The following DNAL1 variants were observed in gnomAD, a reference collection of about 807,000 sequenced individuals.
DNAL1 encodes dynein axonemal light chain 1, also known as chromosome 14 open reading frame 168.
In DNAL1, 17 loss-of-function variants were observed where a neutral mutation model predicts 29.4. That is an observed-to-expected ratio of 0.58 (90% CI 0.40 to 0.87). The LOEUF (loss-of-function observed/expected upper bound fraction) is 0.87, where lower values mean the gene tolerates loss of function less well. Among genes scored for constraint, DNAL1 ranks in the 40% least tolerant of loss-of-function variants. The pLI, the probability that DNAL1 is intolerant of heterozygous loss-of-function variation, is 0.00. For missense variants in DNAL1, 188 were observed against 214.1 expected, an observed-to-expected ratio of 0.88 and a Z score of 0.76; for synonymous variants, 78 against 76.3, an observed-to-expected ratio of 1.02 and a Z score of -0.12.
At chr14:73,656,330 G>C (rs1374275919) in intron 2 of DNAL1, among the ~76,000 whole-genome samples, 1 of 151,420 alleles carries the variant, frequency 6.6e-6, no homozygotes, top group African/African-American at 2.4e-5. Context: ...CATTTTCCTT[G>C]AATTGGATTT....
In DNAL1 at chr14:73,698,992, C is replaced by T. The variant is rs1221095316; in HGVS notation, c.*3050C>T. On this transcript the variant is annotated 3_prime_UTR_variant, in exon 8 of 8. Coordinates refer to ENST00000553645, the MANE Select transcript of DNAL1 (RefSeq NM_031427.4). ...TATTAACATTTTGGGATTGATAATT[C>T]ATTGTTGTTGGGGGCTGTCCTGTGT... 1 of 152,122 alleles carries T rather than the reference C, an allele frequency of 6.6e-6. No individual in the cohort carries two copies. 9.4% of individuals were successfully genotyped at this position (152,122 alleles called of 1,614,324 possible). A position where few individuals can be genotyped will look rare whatever the true frequency, so the allele number is the denominator to read the frequency against.
intron 1 of DNAL1, among the ~76,000 whole-genome samples, chr14:73,651,596 T>G (rs1471045006): frequency 2.6e-5 from 4 of 152,188 alleles, no homozygotes; most frequent in Admixed American, 2.0e-4. Flanking sequence ...TTTTATGTTT[T>G]TTATAGAAAT....
chr14:73,671,642 A>ATCTAT, intron 5 of DNAL1, 45 bp downstream of exon 5: 1 of 1,368,686 alleles, frequency 7.3e-7, no homozygotes, highest in South Asian at 1.7e-5. Flanking sequence ...ATTTGCACAC[A>ATCTAT]TCTATGAATA....
In DNAL1 at chr14:73,700,887, G is replaced by C. The variant is rs1314907418; in HGVS notation, c.*4945G>C. 2 of 152,152 alleles carry C rather than the reference G, an allele frequency of 1.3e-5. No homozygotes were observed. The highest frequency in any genetic ancestry group is 1.9e-4 in the East Asian group (1 of 5,196). The allele number at this position is 152,152 out of a possible 1,614,324, so 9.4% of individuals were successfully genotyped here. A position where few individuals can be genotyped will look rare whatever the true frequency, so the allele number is the denominator to read the frequency against. On this transcript the variant is annotated 3_prime_UTR_variant, in exon 8 of 8. Coordinates refer to ENST00000553645, the MANE Select transcript of DNAL1 (RefSeq NM_031427.4). ...CTAACTTGACCATATTTCTTTATCTGTGCTCTAACATGTGTCATATTGTTT... is the reference window on the plus strand; with the variant it reads ...CTAACTTGACCATATTTCTTTATCTCTGCTCTAACATGTGTCATATTGTTT...
At chr14:73,674,878 G>T (rs560985393) in intron 5 of DNAL1, among the ~76,000 whole-genome samples, 110 of 151,990 alleles carry the variant, frequency 7.2e-4, no homozygotes, top group African/African-American at 2.4e-3. Context: ...TTGAGCCAGG[G>T]TCTCACTGTG....
intron 3 of DNAL1, among the ~76,000 whole-genome samples, chr14:73,661,608 G>A (rs1891360150): frequency 6.6e-6 from 1 of 152,016 alleles, no homozygotes; most frequent in African/African-American, 2.4e-5. Context: ...AGCCAGGCAT[G>A]GTAGCAGGCA....
At chr14:73,695,048 CT>C (rs71112798) in intron 7 of DNAL1, among the ~76,000 whole-genome samples, 7,170 of 60,438 alleles carry the variant, frequency 0.12, 74 homozygotes, top group Non-Finnish European at 0.15. Flanking sequence ...TACTTGTTGG[CT>C]TTTTTTTTTT....
intron 7 of DNAL1, among the ~76,000 whole-genome samples, chr14:73,692,924 C>T (rs1173177736): frequency 6.6e-6 from 1 of 151,908 alleles, no homozygotes; most frequent in Non-Finnish European, 1.5e-5. Flanking sequence ...GCAGCCTCCA[C>T]CTCCCAGATT....
At chr14:73,676,489 G>A (rs1020996434) in intron 5 of DNAL1, among the ~76,000 whole-genome samples, 4 of 151,844 alleles carry the variant, frequency 2.6e-5, no homozygotes, top group Admixed American at 1.3e-4. Flanking sequence ...TAGTGTACAA[G>A]CCATTTTTTC....
At chr14:73,668,606 G>C (rs1387334626) in intron 4 of DNAL1, among the ~76,000 whole-genome samples, 1 of 152,118 alleles carries the variant, frequency 6.6e-6, no homozygotes, top group African/African-American at 2.4e-5. Context: ...CTGTAGTTGT[G>C]ATCAAGATGT....
intron 1 of DNAL1, 148 bp downstream of exon 1, chr14:73,645,190 G>A (rs539812951): frequency 6.2e-6 from 9 of 1,456,430 alleles, no homozygotes; most frequent in South Asian, 1.2e-5. Flanking sequence ...GGGGCCCGAG[G>A]CGAAAGAGAA....
chr14:73,678,342 G>A (rs1205836497), intron 5 of DNAL1, among the ~76,000 whole-genome samples: 1 of 151,712 alleles, frequency 6.6e-6, no homozygotes. Flanking sequence ...TATCAATATT[G>A]AAAATGCTAT....
At chr14:73,682,337 A>ATTTTT (rs57403758) in intron 5 of DNAL1, among the ~76,000 whole-genome samples, 11 of 93,414 alleles carry the variant, frequency 1.2e-4, no homozygotes, top group East Asian at 1.1e-3. Flanking sequence ...TGCCTGGCTA[A>ATTTTT]TTTTTTTTTT....
chr14:73,677,191 C>T (rs1451638955), intron 5 of DNAL1, among the ~76,000 whole-genome samples: 1 of 151,924 alleles, frequency 6.6e-6, no homozygotes, highest in Non-Finnish European at 1.5e-5. Context: ...AGGATGGTCT[C>T]GATCTCCTGA....
rs1314443202 is a variant in DNAL1 at position 73,647,157 on chromosome 14, G to A, written c.3+2115G>A. ...GCGGATCACGAGGTCAGAAGATCGA[G>A]ACCATCCTGGCTATCATGGTGAAAC... On this transcript the variant is annotated intron_variant, in intron 1 of 7. Coordinates refer to ENST00000553645, the MANE Select transcript of DNAL1 (RefSeq NM_031427.4). Among the ~76,000 whole-genome samples the A allele has an allele frequency of 2.6e-5, 4 of 151,762 alleles. No homozygotes were observed. In the East Asian group the frequency reaches 7.7e-4, roughly 29 times the overall value.
intron 3 of DNAL1, among the ~76,000 whole-genome samples, chr14:73,659,958 T>C (rs1187486646): frequency 2.0e-5 from 3 of 152,076 alleles, no homozygotes; most frequent in African/African-American, 7.2e-5. Flanking sequence ...TTTGAGAAAC[T>C]CTTTGTCACC....
In DNAL1 at chr14:73,671,546, C is replaced by G. The variant is rs1431025845; in HGVS notation, c.213C>G (p.Asn71Lys). 1 of 1,478,290 alleles carries G rather than the reference C, an allele frequency of 6.8e-7. No individual in the cohort carries two copies. Among genetic ancestry groups the G allele is most frequent in the Non-Finnish European group, 9.0e-7 (1 of 1,108,114 alleles). 91.6% of individuals were successfully genotyped at this position (1,478,290 alleles called of 1,614,324 possible). A position where few individuals can be genotyped will look rare whatever the true frequency, so the allele number is the denominator to read the frequency against. The change falls in exon 5 of 8, where the codon AAC (asparagine) becomes AAG (lysine). Residue 71 changes from asparagine (N) to lysine (K), a missense_variant. Coordinates refer to ENST00000553645, the MANE Select transcript of DNAL1 (RefSeq NM_031427.4). ...EKIANLNGLK[N>K]LRILSLGRNN... The stretch of plus-strand genomic sequence containing the variant: ...AATGTTTTCTTTTCACTACAGAAAA[C>G]TTGAGGATATTATCTTTAGGAAGAA...
chr14:73,647,076 G>A (rs571275298), intron 1 of DNAL1, among the ~76,000 whole-genome samples: 20 of 151,868 alleles, frequency 1.3e-4, no homozygotes, highest in African/African-American at 4.6e-4. Flanking sequence ...ATAAATATTG[G>A]GGCAGGGCAC....
At chr14:73,656,841 T>C (rs1472880728) in intron 2 of DNAL1, among the ~76,000 whole-genome samples, 1 of 152,200 alleles carries the variant, frequency 6.6e-6, no homozygotes, top group Non-Finnish European at 1.5e-5. Flanking sequence ...AACCTACAAA[T>C]ATATGTCATA....
Sources: allele counts gnomAD v4.1 joint callset (sites outside exome capture counted in the v4.1 genomes callset), GRCh38; gene constraint gnomAD v4.1.1; transcripts MANE v1.5; gene names NCBI Gene and HGNC (gene_info 2026-07-23, HGNC 2026-07-21).